Variants in PHB1 observed in about 807,000 individuals in gnomAD.
The protein encoded by PHB1 is prohibitin 1, also known as epididymis luminal protein 215.
chr17:49,404,912 G>T, the PHB1 span: 2 of 903,626 alleles, frequency 2.2e-6, no homozygotes, highest in Non-Finnish European at 3.5e-6. Context: ...TTTCTGGGGT[G>T]GGAGCAGAAG....
chr17:49,412,368 TC>T, the PHB1 span: 2 of 155,478 alleles, frequency 1.3e-5, no homozygotes, highest in South Asian at 2.0e-4. Context: ...GATGGCAATT[TC>T]TGTCTAGTTG....
At chr17:49,406,705 T>A in the PHB1 span, 1 of 1,262,438 alleles carries the variant, frequency 7.9e-7, no homozygotes, top group Non-Finnish European at 1.2e-6. Flanking sequence ...ATGGGGAAGC[T>A]GAGTGCCGGA....
At chr17:49,411,622 G>A in the PHB1 span, 1 of 1,493,636 alleles carries the variant, frequency 6.7e-7, no homozygotes, top group South Asian at 1.2e-5. Flanking sequence ...TGACACAGAA[G>A]AACAGAGCAC....
At chr17:49,413,404 A>C in the PHB1 span, 1 of 649,606 alleles carries the variant, frequency 1.5e-6, no homozygotes. Context: ...CCCATTCCTG[A>C]AAGTGCTAAA....
At chr17:49,407,476 A>G in the PHB1 span, 1 of 154,014 alleles carries the variant, frequency 6.5e-6, no homozygotes, top group Non-Finnish European at 1.4e-5. Context: ...GAAAGCAGGT[A>G]AAGTCATTGG....
the PHB1 span, among the ~76,000 whole-genome samples, chr17:49,408,233 G>A: frequency 6.6e-6 from 1 of 152,234 alleles, no homozygotes; most frequent in South Asian, 2.1e-4. Flanking sequence ...GTGCCCAGGG[G>A]TTAGCACTGG....
At chr17:49,405,234 A>T in the PHB1 span, 1 of 1,586,068 alleles carries the variant, frequency 6.3e-7, no homozygotes, top group Non-Finnish European at 8.6e-7. Flanking sequence ...GACAAAGATC[A>T]AACCTCAGGG....
chr17:49,413,160 G>A, the PHB1 span: 1 of 1,586,412 alleles, frequency 6.3e-7, no homozygotes, highest in Non-Finnish European at 8.7e-7. Context: ...GTGACCCACT[G>A]TCCCTCCATG....
chr17:49,405,348 G>C, the PHB1 span: 3 of 653,818 alleles, frequency 4.6e-6, no homozygotes, highest in Admixed American at 2.6e-5. Context: ...GCTAGCGGGG[G>C]AAGCGGGGGG....
At chr17:49,409,550 T>A in the PHB1 span, 1 of 954,340 alleles carries the variant, frequency 1.0e-6, no homozygotes, top group East Asian at 2.5e-5. Context: ...TTTGTTTTTT[T>A]TTTTTTTTGA....
the PHB1 span, chr17:49,408,817 C>G: frequency 1.9e-6 from 1 of 522,958 alleles, no homozygotes; most frequent in Non-Finnish European, 3.4e-6. Flanking sequence ...TATCTGGATA[C>G]AACCAGAGGT....
At chr17:49,412,001 G>A in the PHB1 span, 1 of 607,914 alleles carries the variant, frequency 1.6e-6, no homozygotes, top group South Asian at 2.1e-5. Flanking sequence ...CTAACTAGCT[G>A]CAAAACTAAG....
chr17:49,404,866 C>T, the PHB1 span: 5 of 659,010 alleles, frequency 7.6e-6, no homozygotes, highest in South Asian at 9.1e-5. Flanking sequence ...ACCTTTATTT[C>T]CTTCACTTTA....
the PHB1 span, chr17:49,409,272 C>T: frequency 5.0e-6 from 8 of 1,610,288 alleles, no homozygotes; most frequent in Non-Finnish European, 6.8e-6. Flanking sequence ...CTTCCTGCCA[C>T]CTGGCACCCT....
At chr17:49,413,511 C>CT in the PHB1 span, among the ~76,000 whole-genome samples, 235 of 106,138 alleles carry the variant, frequency 2.2e-3, 3 homozygotes, top group Middle Eastern at 5.2e-3. Flanking sequence ...TCTTTTCTTT[C>CT]CTTTTTTTTT....
chr17:49,412,373 C>T, the PHB1 span: 2 of 155,318 alleles, frequency 1.3e-5, no homozygotes, highest in South Asian at 2.0e-4. Context: ...CAATTTCTGT[C>T]TAGTTGCAGA....
chr17:49,408,068 C>T, the PHB1 span, among the ~76,000 whole-genome samples: 2 of 152,192 alleles, frequency 1.3e-5, no homozygotes, highest in Non-Finnish European at 1.5e-5. Context: ...CAACTTTTCC[C>T]TTAGGTTTTT....
chr17:49,413,113 G>T, the PHB1 span: 2 of 1,171,614 alleles, frequency 1.7e-6, no homozygotes, highest in Non-Finnish European at 2.5e-6. Context: ...TGTCACATGG[G>T]CTATGCAGAC....
At chr17:49,413,761 C>T in the PHB1 span, among the ~76,000 whole-genome samples, 10 of 152,280 alleles carry the variant, frequency 6.6e-5, no homozygotes, top group East Asian at 7.7e-4. Context: ...CCCCCTGCCT[C>T]GGCCTCCCAA....
Sources: gnomAD v4.1 joint callset for allele counts (sites outside exome capture counted in the v4.1 genomes callset) on GRCh38, gnomAD v4.1.1 for gene constraint, MANE v1.5 for transcripts, NCBI Gene and HGNC (gene_info 2026-07-23, HGNC 2026-07-21) for gene names.